SYNE1: variants seen among roughly 807,000 people sequenced by gnomAD.
SYNE1 encodes the protein spectrin repeat containing nuclear envelope protein 1.
Under a neutral mutation model 1,111.0 loss-of-function variants are expected in SYNE1, and 616 were observed. That is an observed-to-expected ratio of 0.55 (90% CI 0.52 to 0.59). SYNE1 has a LOEUF of 0.59. Ranked by LOEUF, SYNE1 falls within the 20% of genes least tolerant of loss-of-function variation. SYNE1 has a pLI of 0.00. For synonymous variants in SYNE1, 3,855 were observed against 3,825.8 expected (o/e 1.01, Z -0.28); for missense variants, 10,006 against 10,417.0 (o/e 0.96, Z 1.72).
At position 152,337,029 on chromosome 6, in the gene SYNE1, A is replaced by G. The variant is rs2096405649; in HGVS notation, c.12352-12T>C. The G allele has an allele frequency of 1.2e-6, 2 of 1,611,832 alleles. No individual in the cohort carries two copies. ...AGCTTTTGTTCAATCTTGAGAAAAC[A>G]CAGAGATAAAAGTTAGCAACCATAC... On this transcript the variant is annotated splice_polypyrimidine_tract_variant and intron_variant, in intron 75 of 145. Transcript: ENST00000367255.
At chr6:152,139,744 A>AGAAG in intron 140 of SYNE1, among the ~76,000 whole-genome samples, 1 of 150,826 alleles carries the variant, frequency 6.6e-6, no homozygotes, top group South Asian at 2.1e-4. Context: ...AAAGAAAGAA[A>AGAAG]GAAAGAAAAG....
intron 3 of SYNE1, among the ~76,000 whole-genome samples, chr6:152,585,852 T>G (rs1229644093): frequency 6.6e-6 from 1 of 152,208 alleles, no homozygotes; most frequent in East Asian, 1.9e-4. Context: ...AAATGTCAGT[T>G]GCAGACAAAT....
intron 131 of SYNE1, among the ~76,000 whole-genome samples, chr6:152,158,517 C>T (rs2061803479): frequency 6.6e-6 from 1 of 152,070 alleles, no homozygotes; most frequent in Admixed American, 6.6e-5. Context: ...ATAAACTAGA[C>T]ACTAGACGAT....
intron 129 of SYNE1, among the ~76,000 whole-genome samples, chr6:152,178,378 G>A (rs904977624): frequency 1.3e-5 from 2 of 152,168 alleles, no homozygotes; most frequent in African/African-American, 2.4e-5. Flanking sequence ...AAGGGCAACC[G>A]TGAGCAGATG....
At chr6:152,402,112 A>T (rs1251863790) in intron 46 of SYNE1, among the ~76,000 whole-genome samples, 1 of 152,048 alleles carries the variant, frequency 6.6e-6, no homozygotes, top group African/African-American at 2.4e-5. Context: ...TTTCTCCCAT[A>T]GGCTCAGACT....
chr6:152,342,940 C>CTTTT (rs1370942282), intron 74 of SYNE1, among the ~76,000 whole-genome samples: 6 of 152,182 alleles, frequency 3.9e-5, no homozygotes, highest in Admixed American at 2.6e-4. Flanking sequence ...GCTAGTATTA[C>CTTTT]TTTTCTGTTT....
chr6:152,428,400 G>C lies in SYNE1; in HGVS notation c.4789-8C>G. 2.5e-6 allele frequency: 4 copies of C among 1,613,188 alleles called. No individual in the cohort carries two copies. The South Asian group carries it at 4.4e-5, about 18-fold the overall frequency. ...CAGGGCCTGGCAGAGATCCTAAGAA[G>C]AGTGCGAGAAGAATGCAGTGAAAGC... On this transcript the variant is annotated splice_region_variant and splice_polypyrimidine_tract_variant and intron_variant, in intron 36 of 145. Coordinates refer to ENST00000367255, the MANE Select transcript of SYNE1 (RefSeq NM_182961.4).
chr6:152,242,561 C>T, intron 106 of SYNE1, 121 bp from the exon 107 acceptor site: 2 of 1,036,294 alleles, frequency 1.9e-6, no homozygotes, highest in South Asian at 1.3e-5. Context: ...CAGGGATGTG[C>T]CTCCTGGAAA....
chr6:152,365,277 T>G (rs567358400), intron 62 of SYNE1, among the ~76,000 whole-genome samples: 1 of 152,264 alleles, frequency 6.6e-6, no homozygotes, highest in Admixed American at 6.5e-5. Flanking sequence ...CCAATGAAGT[T>G]TTACTTTACT....
At chr6:152,186,016 A>T (rs1473729852) in intron 128 of SYNE1, among the ~76,000 whole-genome samples, 3 of 152,204 alleles carry the variant, frequency 2.0e-5, no homozygotes, top group East Asian at 3.9e-4. Context: ...CTTCATTATA[A>T]ACAATACATC....
At chr6:152,404,374 A>G in intron 45 of SYNE1, 60 bp from the exon 46 acceptor site, 1 of 1,311,198 alleles carries the variant, frequency 7.6e-7, no homozygotes, top group Non-Finnish European at 1.1e-6. Context: ...TTTGGCATTT[A>G]ATAATTTCAA....
chr6:152,610,760 C>A (rs1313003539), intron 3 of SYNE1, among the ~76,000 whole-genome samples: 1 of 152,136 alleles, frequency 6.6e-6, no homozygotes, highest in Non-Finnish European at 1.5e-5. Context: ...TCGGGTTACC[C>A]ATAAAGGGAA....
Position 152,236,161 on chromosome 6 carries a change from T to C in SYNE1, c.20342A>G (p.Asn6781Ser). Residue 6781 changes from asparagine to serine, a missense_variant, in exon 110 of 146, where the codon AAT becomes AGT. By Grantham distance (46) the Asn-to-Ser change is conservative. Coordinates refer to ENST00000367255, the MANE Select transcript of SYNE1 (RefSeq NM_182961.4). The stretch of plus-strand genomic sequence containing the variant: ...TCTGTGAAGTTCCTTAGACATTTTA[T>C]TGGTGTTACTTAGCCAGCACTCTCC... Reference protein sequence around the residue: ...QLGECWLSNTNKMSKELHRLE... With the variant: ...QLGECWLSNTSKMSKELHRLE... 6.2e-7 allele frequency: 1 copy of C among 1,614,258 alleles called. No individual in the cohort carries two copies. The highest frequency in any genetic ancestry group is 8.5e-7 in the Non-Finnish European group (1 of 1,180,048).
At chr6:152,244,397 T>C in intron 106 of SYNE1, 140 bp downstream of exon 106, 2 of 1,268,438 alleles carry the variant, frequency 1.6e-6, no homozygotes, top group East Asian at 2.4e-5. Context: ...CAGAAAATTT[T>C]CTAAGAGTTG....
chr6:152,186,556 C>CAAAAAAAAAAAA (rs59187571), intron 128 of SYNE1, among the ~76,000 whole-genome samples: 7 of 38,038 alleles, frequency 1.8e-4, no homozygotes, highest in Admixed American at 4.6e-4. Context: ...AGCTCTGTGT[C>CAAAAAAAAAAAA]AAAAAAAAAA....
chr6:152,473,995 C>A (rs1413388696), intron 14 of SYNE1, among the ~76,000 whole-genome samples: 9 of 151,998 alleles, frequency 5.9e-5, no homozygotes, highest in Admixed American at 5.2e-4. Context: ...ATCAGCCTGG[C>A]CAACATGGTG....
chr6:152,613,118 A>G (rs1175102267), intron 3 of SYNE1, among the ~76,000 whole-genome samples: 1 of 152,224 alleles, frequency 6.6e-6, no homozygotes, highest in Non-Finnish European at 1.5e-5. Context: ...CACCACTCCT[A>G]TTCAACATAG....
chr6:152,140,451 C>A (rs1773650823), intron 139 of SYNE1, among the ~76,000 whole-genome samples: 2 of 152,068 alleles, frequency 1.3e-5, no homozygotes. Context: ...AACGATCGTT[C>A]AATTCTTGGA....
chr6:152,381,609 C>A (rs1470581639), intron 55 of SYNE1: 4 of 557,342 alleles, frequency 7.2e-6, no homozygotes, highest in East Asian at 6.1e-5. Context: ...TAAACAGAGA[C>A]CCTGAAATCA....
Sources: gnomAD v4.1 joint callset for allele counts (sites outside exome capture counted in the v4.1 genomes callset) on GRCh38, gnomAD v4.1.1 for gene constraint, MANE v1.5 for transcripts, NCBI Gene and HGNC (gene_info 2026-07-23, HGNC 2026-07-21) for gene names.